The following CSNK1D variants were observed in gnomAD, a reference collection of about 807,000 sequenced individuals.
The protein encoded by CSNK1D is casein kinase I isoform delta.
In CSNK1D, 16 loss-of-function variants were observed where a neutral mutation model predicts 46.6. That is an observed-to-expected ratio of 0.34 (90% CI 0.23 to 0.52). CSNK1D has a LOEUF of 0.52. CSNK1D is among the 20% of genes least tolerant of loss of function. The pLI, the probability that CSNK1D is intolerant of heterozygous loss-of-function variation, is 0.95. For synonymous variants in CSNK1D, 276 were observed against 228.2 expected, an observed-to-expected ratio of 1.21 and a Z score of -1.89; for missense variants, 398 against 578.4, an observed-to-expected ratio of 0.69 and a Z score of 3.20.
chr17:82,265,461 G>A, intron 2 of CSNK1D: 1 of 537,878 alleles, frequency 1.9e-6, no homozygotes, highest in South Asian at 1.9e-5. Context: ...TTCCAGGCGT[G>A]AGCCACCATG....
chr17:82,245,004 TCAG>T, intron 8 of CSNK1D, 173 bp from the exon 9 acceptor site: 1 of 773,042 alleles, frequency 1.3e-6, no homozygotes, highest in Non-Finnish European at 2.2e-6. Flanking sequence ...GGACACGTGC[TCAG>T]CAGAACGAGT....
intron 1 of CSNK1D, among the ~76,000 whole-genome samples, chr17:82,270,810 TGGCTGTCTGGGAC>T (rs1464367030): frequency 5.9e-5 from 9 of 151,740 alleles, no homozygotes; most frequent in East Asian, 3.9e-4. Flanking sequence ...CCCTGATGGG[TGGCTGTCTGGGAC>T]GGCTGTCTGG....
chr17:82,249,627 G>C lies in CSNK1D; in HGVS notation c.886-25C>G. ...CCTGAGGAGGCAGGAGGTGAGGCCGGAATGGAACCAGCTTTGGCAGAAAGC... is the reference window on the plus strand; with the variant it reads ...CCTGAGGAGGCAGGAGGTGAGGCCGCAATGGAACCAGCTTTGGCAGAAAGC... On this transcript the variant is annotated intron_variant, in intron 6 of 8. Transcript: ENST00000314028. The surrounding 1 kb of genome is among the most constrained non-coding windows in gnomAD (Gnocchi z 6.7). 6.4e-7 allele frequency: 1 copy of C among 1,556,058 alleles called. No homozygotes were observed. Among genetic ancestry groups the C allele is most frequent in the Non-Finnish European group, 8.6e-7 (1 of 1,156,258 alleles).
At chr17:82,246,153 G>A (rs2050845560) in intron 8 of CSNK1D, 3 of 1,544,800 alleles carry the variant, frequency 1.9e-6, no homozygotes, top group African/African-American at 1.4e-5. Flanking sequence ...CAGACCGACA[G>A]GTGCCACCTG....
In CSNK1D at chr17:82,249,880, A is replaced by C; in HGVS notation, c.886-278T>G. The C allele has an allele frequency of 1.7e-5, 24 of 1,379,862 alleles. No homozygotes were observed. The highest frequency in any genetic ancestry group is 7.3e-5 in the African/African-American group (5 of 68,474). 85.5% of individuals were successfully genotyped at this position (1,379,862 alleles called of 1,614,324 possible). On this transcript the variant is annotated intron_variant, in intron 6 of 8. Transcript: ENST00000314028. This position sits in a 1 kb window ranked among gnomAD's most constrained non-coding sequence, Gnocchi z 6.7. ...GCTCAGAACTTCCTTAAACTTCCAAATGGGCAGCAGCTACCCCCTGCTGCT... is the reference window on the plus strand; with the variant it reads ...GCTCAGAACTTCCTTAAACTTCCAACTGGGCAGCAGCTACCCCCTGCTGCT...
intron 2 of CSNK1D, among the ~76,000 whole-genome samples, chr17:82,256,558 G>A (rs1467355584): frequency 6.6e-6 from 1 of 151,796 alleles, no homozygotes; most frequent in African/African-American, 2.4e-5. Flanking sequence ...TGAAAGACCT[G>A]GACACTTCAC....
chr17:82,272,823 C>A (rs2051666400), intron 1 of CSNK1D, among the ~76,000 whole-genome samples: 1 of 152,188 alleles, frequency 6.6e-6, no homozygotes. Flanking sequence ...CCTTTGTTTA[C>A]TGCGGTGACC....
chr17:82,250,268 C>T lies in CSNK1D; in HGVS notation c.886-666G>A, dbSNP rs963226822. 3.4e-6 allele frequency: 4 copies of T among 1,191,832 alleles called. No homozygotes were observed. In the South Asian group the frequency reaches 5.1e-5, roughly 15 times the overall value. The allele number at this position is 1,191,832 out of a possible 1,614,324, so 73.8% of individuals were successfully genotyped here. A position where few individuals can be genotyped will look rare whatever the true frequency, so the allele number is the denominator to read the frequency against. On this transcript the variant is annotated intron_variant, in intron 6 of 8. Transcript: ENST00000314028. The surrounding 1 kb of genome is among the most constrained non-coding windows in gnomAD (Gnocchi z 4.6). ...GGGCCAAACCCAGGTGCCACTTCTT[C>T]CTGCAAGTACAGCTCATTGGACACA...
At chr17:82,263,397 T>C (rs2051388851) in intron 2 of CSNK1D, among the ~76,000 whole-genome samples, 1 of 152,176 alleles carries the variant, frequency 6.6e-6, no homozygotes, top group East Asian at 1.9e-4. Flanking sequence ...AACATGAAGG[T>C]GCAGGCTTCT....
rs983228282 is a variant in CSNK1D, at chr17:82,244,466, G to C, written c.*315C>G. 4 of 1,359,112 alleles carry C rather than the reference G, an allele frequency of 2.9e-6. No homozygotes were observed. The highest frequency in any genetic ancestry group is 1.5e-5 in the African/African-American group (1 of 68,096). The allele number at this position is 1,359,112 out of a possible 1,614,324, so 84.2% of individuals were successfully genotyped here. On this transcript the variant is annotated 3_prime_UTR_variant, in exon 9 of 9. Transcript: ENST00000314028. ...TACAGTGGAATCGTCAGGGAGTACA[G>C]GGCGGCCACCACTGGAGGGAGCTGA...
Position 82,255,850 on chromosome 17 carries a change from G to A in CSNK1D, c.188-273C>T, listed in dbSNP as rs1438805793. Among the ~76,000 whole-genome samples, 2 of 152,170 alleles carry A rather than the reference G, an allele frequency of 1.3e-5. No homozygotes were observed. Among genetic ancestry groups the A allele is most frequent in the African/African-American group, 2.4e-5 (1 of 41,442 alleles). ...GAGGGGATCGAAGCCCCACCTCCCC[G>A]ACTCCCGTCTTCTAGGGCAGGGGGG... On this transcript the variant is annotated intron_variant, in intron 2 of 8. Coordinates refer to ENST00000314028, the MANE Select transcript of CSNK1D (RefSeq NM_001893.6). The surrounding 1 kb of genome is among the most constrained non-coding windows in gnomAD (Gnocchi z 5.9).
chr17:82,244,054 A>T lies in CSNK1D; in HGVS notation c.*727T>A, dbSNP rs1677166359. 1 of 988,910 alleles carries T rather than the reference A, an allele frequency of 1.0e-6. No homozygotes were observed. The highest frequency in any genetic ancestry group is 1.7e-5 in the African/African-American group (1 of 57,218). The allele number at this position is 988,910 out of a possible 1,614,324, so 61.3% of individuals were successfully genotyped here. ...CTAACTGCTCTCCGAGGGCCTCAAG[A>T]GTTCCTGACAGCAGGCATGTCAATT... is the stretch of plus-strand genomic sequence containing the variant. On this transcript the variant is annotated 3_prime_UTR_variant, in exon 9 of 9. Coordinates refer to ENST00000314028, the MANE Select transcript of CSNK1D (RefSeq NM_001893.6).
At position 82,243,886 on chromosome 17, in the gene CSNK1D, C is replaced by G; in HGVS notation, c.*895G>C. The G allele has an allele frequency of 1.0e-6, 1 of 985,672 alleles. No individual in the cohort carries two copies. The highest frequency in any genetic ancestry group is 1.2e-6 in the Non-Finnish European group (1 of 830,086). 61.1% of individuals were successfully genotyped at this position (985,672 alleles called of 1,614,324 possible). On this transcript the variant is annotated 3_prime_UTR_variant, in exon 9 of 9. Transcript: ENST00000314028. ...AGAAACGCATCTTCCACCTTGAATC[C>G]TGGGACTCCCAATTGTCCTGCTAGG...
Position 82,243,176 on chromosome 17 carries a change from C to A in CSNK1D, c.*1605G>T. The A allele has an allele frequency of 1.0e-6, 1 of 985,626 alleles. No individual in the cohort carries two copies. Among genetic ancestry groups the A allele is most frequent in the Middle Eastern group, 5.2e-4 (1 of 1,916 alleles). The allele number at this position is 985,626 out of a possible 1,614,324, so 61.1% of individuals were successfully genotyped here. Reference sequence around the variant, plus strand: ...GAAAGCATCCATGGGCTCAGGCAGACGGCCAGCCAGCTGGTGGGGGGGTGA... The same window carrying A: ...GAAAGCATCCATGGGCTCAGGCAGAAGGCCAGCCAGCTGGTGGGGGGGTGA... On this transcript the variant is annotated 3_prime_UTR_variant, in exon 9 of 9. Coordinates refer to ENST00000314028, the MANE Select transcript of CSNK1D (RefSeq NM_001893.6).
At chr17:82,267,776 C>A (rs904097597) in intron 1 of CSNK1D, among the ~76,000 whole-genome samples, 20 of 152,250 alleles carry the variant, frequency 1.3e-4, no homozygotes, top group African/African-American at 4.3e-4. Context: ...CAGCTCCCTG[C>A]ACCCCCAAGC....
intron 1 of CSNK1D, among the ~76,000 whole-genome samples, chr17:82,266,427 C>A (rs977027917): frequency 6.6e-6 from 1 of 152,250 alleles, no homozygotes; most frequent in African/African-American, 2.4e-5. Context: ...GTACCACCTA[C>A]CAACACGCAC....
At position 82,273,205 on chromosome 17, in the gene CSNK1D, A is replaced by C; in HGVS notation, c.76+101T>G. 8.3e-7 allele frequency: 1 copy of C among 1,210,004 alleles called. No individual in the cohort carries two copies. Among genetic ancestry groups the C allele is most frequent in the Non-Finnish European group, 1.2e-6 (1 of 862,070 alleles). The allele number at this position is 1,210,004 out of a possible 1,614,324, so 75.0% of individuals were successfully genotyped here. ...TCCGGCGGTGCCGGGACTTGCGCGGAGACCCCGCGGGGGCCACCACTTCCT... is the reference window on the plus strand; with the variant it reads ...TCCGGCGGTGCCGGGACTTGCGCGGCGACCCCGCGGGGGCCACCACTTCCT... On this transcript the variant is annotated intron_variant, in intron 1 of 8. Transcript: ENST00000314028. This position sits in a 1 kb window ranked among gnomAD's most constrained non-coding sequence, Gnocchi z 5.1.
At chr17:82,261,684 G>A (rs549277036) in intron 2 of CSNK1D, among the ~76,000 whole-genome samples, 16 of 152,204 alleles carry the variant, frequency 1.1e-4, no homozygotes, top group Non-Finnish European at 1.6e-4. Flanking sequence ...GGGGCTGGGC[G>A]GGCGAATGGG....
chr17:82,268,955 GGCAT>G (rs2051547243), intron 1 of CSNK1D, among the ~76,000 whole-genome samples: 1 of 151,950 alleles, frequency 6.6e-6, no homozygotes, highest in Admixed American at 6.6e-5. Flanking sequence ...AAATTAGCCA[GGCAT>G]GCTGGTGTGC....
Sources: gnomAD v4.1 joint callset for allele counts (sites outside exome capture counted in the v4.1 genomes callset) on GRCh38, gnomAD v4.1.1 for gene constraint, Gnocchi (gnomAD v3.1) non-coding constraint, MANE v1.5 for transcripts, NCBI Gene and HGNC (gene_info 2026-07-23, HGNC 2026-07-21) for gene names.